Variants in ROBO2 observed in about 807,000 individuals in gnomAD.
ROBO2 encodes roundabout guidance receptor 2.
ROBO2 carries 53 observed loss-of-function variants against 160.8 expected under a neutral mutation model. The ratio of observed to expected loss-of-function variants is 0.33; its 90% CI spans 0.26 to 0.41. The LOEUF (loss-of-function observed/expected upper bound fraction) is 0.41. Ranked by LOEUF, ROBO2 falls within the 10% of genes least tolerant of loss-of-function variation. ROBO2 has a pLI of 1.00. For missense variants in ROBO2, 1,577 were observed against 1,722.4 expected (o/e 0.92, Z 1.49); for synonymous variants, 664 against 611.7 (o/e 1.09, Z -1.26).
At chr3:77,606,194 T>G (rs2094522650) in intron 20 of ROBO2, among the ~76,000 whole-genome samples, 1 of 148,162 alleles carries the variant, frequency 6.7e-6, no homozygotes, top group Non-Finnish European at 1.5e-5. Flanking sequence ...GGAGCTGGGT[T>G]TGCTCTAAGA....
At chr3:77,280,225 C>G (rs1288944691) in intron 2 of ROBO2, among the ~76,000 whole-genome samples, 1 of 152,088 alleles carries the variant, frequency 6.6e-6, no homozygotes, top group Non-Finnish European at 1.5e-5. Flanking sequence ...TTAGACAAAC[C>G]GCTTTTCTGC....
intron 2 of ROBO2, among the ~76,000 whole-genome samples, chr3:76,843,994 A>G (rs1433889198): frequency 1.3e-5 from 2 of 152,006 alleles, no homozygotes; most frequent in Admixed American, 6.6e-5. Context: ...TCATTATTAC[A>G]TATTTGAGTT....
At chr3:77,455,298 A>T (rs2081513843) in intron 2 of ROBO2, among the ~76,000 whole-genome samples, 1 of 152,214 alleles carries the variant, frequency 6.6e-6, no homozygotes, top group Admixed American at 6.5e-5. Flanking sequence ...ATTTACGAAA[A>T]ACTTTTAAGT....
intron 16 of ROBO2, among the ~76,000 whole-genome samples, 161 bp from the exon 18 acceptor site, chr3:77,588,590 T>G (rs528712425): frequency 8.5e-5 from 13 of 152,280 alleles, no homozygotes; most frequent in Non-Finnish European, 1.6e-4. Flanking sequence ...ATTATTCTTT[T>G]GAAAATTATG....
rs1448707027 is a variant in ROBO2 at position 75,911,658 on chromosome 3, C to T, written c.-14+4698C>T. The stretch of plus-strand genomic sequence containing the variant: ...CTGCAAGCTCCGCCTCCCGGGTTCA[C>T]GCCGTTCTCCTGCCTCAGCCTCCCG... On this transcript the variant is annotated intron_variant, in intron 1 of 26. Coordinates refer to the ROBO2 transcript ENST00000487694. 9.0e-5 allele frequency among the ~76,000 whole-genome samples: 13 copies of T among 144,318 alleles called. No individual in the cohort carries two copies. The South Asian group carries it at 2.2e-3, about 25-fold the overall frequency. 94.7% of individuals were successfully genotyped at this position (144,318 alleles called of 152,430 possible). A position where few individuals can be genotyped will look rare whatever the true frequency, so the allele number is the denominator to read the frequency against.
chr3:75,911,116 A>G (rs1946561929), intron 1 of ROBO2, among the ~76,000 whole-genome samples: 1 of 152,144 alleles, frequency 6.6e-6, no homozygotes, highest in Non-Finnish European at 1.5e-5. Context: ...TATATTTTGA[A>G]TTTCAAAATT....
intron 2 of ROBO2, among the ~76,000 whole-genome samples, chr3:76,542,873 C>A (rs2082893270): frequency 6.6e-6 from 1 of 152,154 alleles, no homozygotes; most frequent in Non-Finnish European, 1.5e-5. Flanking sequence ...TCAATTCTAA[C>A]TATACTTGAC....
rs140762876 is a variant in ROBO2 at position 76,875,395 on chromosome 3, G to A, written c.110-222619G>A. On this transcript the variant is annotated intron_variant, in intron 2 of 26. Transcript: ENST00000487694. ...TGTGCATAGTGTATTAGATTCCTATGGCTGCTATAACAAATTATCACAAAC... is the reference window on the plus strand; with the variant it reads ...TGTGCATAGTGTATTAGATTCCTATAGCTGCTATAACAAATTATCACAAAC... Among the ~76,000 whole-genome samples the A allele has an allele frequency of 3.8e-3, 585 of 152,286 alleles. 4 individuals carry two copies. Among genetic ancestry groups the A allele is most frequent in the African/African-American group, 0.013 (557 of 41,562 alleles).
At chr3:76,279,775 TAAAAG>T (rs1708134497) in intron 2 of ROBO2, among the ~76,000 whole-genome samples, 1 of 151,930 alleles carries the variant, frequency 6.6e-6, no homozygotes, top group Non-Finnish European at 1.5e-5. Flanking sequence ...ACACATAACA[TAAAAG>T]AAATAAGATG....
At chr3:77,088,709 T>A (rs904063729) in intron 1 of ROBO2, among the ~76,000 whole-genome samples, 2 of 152,200 alleles carry the variant, frequency 1.3e-5, no homozygotes, top group Non-Finnish European at 2.9e-5. Context: ...ATTTCTAAGG[T>A]ACGTTTTCAG....
upstream of ROBO2, among the ~76,000 whole-genome samples, chr3:77,037,790 C>A (rs1049146119): frequency 6.6e-6 from 1 of 152,160 alleles, no homozygotes; most frequent in African/African-American, 2.4e-5. Flanking sequence ...GAAAACACTT[C>A]TAGTTGAAAT....
intron 2 of ROBO2, among the ~76,000 whole-genome samples, chr3:76,018,744 T>C (rs868681057): frequency 2.0e-5 from 3 of 151,630 alleles, no homozygotes; most frequent in African/African-American, 2.4e-5. Context: ...TGAAGTTCCA[T>C]GCGTATCTGA....
intron 2 of ROBO2, among the ~76,000 whole-genome samples, chr3:76,211,798 T>C (rs1703162548): frequency 6.6e-6 from 1 of 152,082 alleles, no homozygotes; most frequent in African/African-American, 2.4e-5. Context: ...CAGCTGTTGA[T>C]ATAAATTCAA....
intron 1 of ROBO2, among the ~76,000 whole-genome samples, chr3:77,081,966 T>A (rs748786559): frequency 9.7e-4 from 147 of 152,298 alleles, no homozygotes; most frequent in Non-Finnish European, 1.6e-3. Context: ...GAACCAGGAC[T>A]GAAACTGAGG....
intron 2 of ROBO2, among the ~76,000 whole-genome samples, chr3:76,042,027 TA>T (rs36067726): frequency 0.2 from 29,042 of 142,782 alleles, 3,387 homozygotes; most frequent in East Asian, 0.45. Context: ...AGAGAGAGGT[TA>T]AAAAAAAAAA....
At chr3:76,879,773 T>C (rs1011363097) in intron 2 of ROBO2, among the ~76,000 whole-genome samples, 1 of 152,162 alleles carries the variant, frequency 6.6e-6, no homozygotes, top group Non-Finnish European at 1.5e-5. Context: ...TAACTTTGAT[T>C]ATAGTTATCT....
chr3:76,002,347 C>G (rs909230167), intron 2 of ROBO2, among the ~76,000 whole-genome samples: 6 of 152,140 alleles, frequency 3.9e-5, no homozygotes, highest in Non-Finnish European at 5.9e-5. Flanking sequence ...CAAATCTCAT[C>G]TTGAATTGTA....
chr3:76,823,842 G>A (rs1416799647), intron 2 of ROBO2, among the ~76,000 whole-genome samples: 1 of 152,110 alleles, frequency 6.6e-6, no homozygotes, highest in South Asian at 2.1e-4. Context: ...CATCTAAGTT[G>A]GATGGAGGCA....
At chr3:76,614,396 G>T (rs1342474204) in intron 2 of ROBO2, among the ~76,000 whole-genome samples, 3 of 151,914 alleles carry the variant, frequency 2.0e-5, no homozygotes, top group Non-Finnish European at 4.4e-5. Context: ...AATATAACGA[G>T]AGAGCTTGTT....
Sources: allele counts gnomAD v4.1 joint callset (sites outside exome capture counted in the v4.1 genomes callset), GRCh38; gene constraint gnomAD v4.1.1; transcripts MANE v1.5; gene names NCBI Gene and HGNC (gene_info 2026-07-23, HGNC 2026-07-21).